Variants in PDE1A observed in about 807,000 individuals in gnomAD.
PDE1A encodes the protein phosphodiesterase 1A.
In PDE1A, 35 loss-of-function variants were observed where a neutral mutation model predicts 61.7. That is an observed-to-expected ratio of 0.57 (90% CI 0.43 to 0.75). The LOEUF is 0.75. Ranked by LOEUF, PDE1A falls within the 30% of genes least tolerant of loss-of-function variation. PDE1A has a pLI of 0.00. For missense variants in PDE1A, 597 were observed against 630.6 expected (o/e 0.95, Z 0.57); for synonymous variants, 232 against 213.2 (o/e 1.09, Z -0.77).
intron 1 of PDE1A, among the ~76,000 whole-genome samples, chr2:182,411,694 A>T (rs1184988856): frequency 2.0e-5 from 3 of 152,140 alleles, no homozygotes; most frequent in Non-Finnish European, 4.4e-5. Flanking sequence ...ATGCCTGGGG[A>T]CACTTTTGGT....
intron 2 of PDE1A, among the ~76,000 whole-genome samples, chr2:182,503,740 T>C (rs1327575379): frequency 6.6e-6 from 1 of 152,180 alleles, no homozygotes; most frequent in Non-Finnish European, 1.5e-5. Flanking sequence ...CAAGAGTTTG[T>C]TGCTGTACCG....
intron 1 of PDE1A, among the ~76,000 whole-genome samples, chr2:182,423,412 T>A (rs1291709108): frequency 6.6e-6 from 1 of 152,164 alleles, no homozygotes; most frequent in Non-Finnish European, 1.5e-5. Flanking sequence ...CTCCCAAGCC[T>A]CCTAATATCG....
chr2:182,461,224 A>G (rs4666833), intron 2 of PDE1A, among the ~76,000 whole-genome samples: 25,669 of 152,024 alleles, frequency 0.17, 2,608 homozygotes, highest in Middle Eastern at 0.32. Flanking sequence ...GAAAAACTAA[A>G]GTAAAGTTCA....
chr2:182,279,616 CT>C (rs796203738), intron 1 of PDE1A, among the ~76,000 whole-genome samples: 48 of 151,888 alleles, frequency 3.2e-4, no homozygotes, highest in African/African-American at 1.1e-3. Flanking sequence ...TTTCTTTGGT[CT>C]TTCTCATTCT....
At chr2:182,526,572 G>A (rs1690777282), upstream of PDE1A, among the ~76,000 whole-genome samples, 1 of 152,130 alleles carries the variant, frequency 6.6e-6, no homozygotes, top group South Asian at 2.1e-4. Flanking sequence ...CTCTAGGAGA[G>A]GAAAAACAAA....
chr2:182,605,945 A>C, the PDE1A span, among the ~76,000 whole-genome samples: 4 of 152,140 alleles, frequency 2.6e-5, no homozygotes, highest in Non-Finnish European at 4.4e-5. Context: ...TCCAGGTCTC[A>C]TATTTTTTTA....
At chr2:182,457,074 T>G in intron 2 of PDE1A, among the ~76,000 whole-genome samples, 1 of 152,044 alleles carries the variant, frequency 6.6e-6, no homozygotes, top group African/African-American at 2.4e-5. Context: ...CTGGACTGAT[T>G]AAGTTGGTAC....
chr2:182,570,802 T>A, the PDE1A span, among the ~76,000 whole-genome samples: 1 of 152,288 alleles, frequency 6.6e-6, no homozygotes, highest in African/African-American at 2.4e-5. Context: ...AGCTTAAGGA[T>A]TTGTGTATCC....
intron 13 of PDE1A, among the ~76,000 whole-genome samples, chr2:182,162,048 C>T (rs1691411574): frequency 6.6e-6 from 1 of 152,134 alleles, no homozygotes; most frequent in South Asian, 2.1e-4. Flanking sequence ...TCACATAAAA[C>T]CTACTCCCCC....
the PDE1A span, among the ~76,000 whole-genome samples, chr2:182,667,989 T>A: frequency 6.6e-6 from 1 of 152,184 alleles, no homozygotes; most frequent in Non-Finnish European, 1.5e-5. Context: ...GGAAGTGGGA[T>A]GGTGCTGATG....
At chr2:182,285,216 T>G (rs1381021667) in intron 1 of PDE1A, among the ~76,000 whole-genome samples, 1 of 152,120 alleles carries the variant, frequency 6.6e-6, no homozygotes, top group Non-Finnish European at 1.5e-5. Context: ...TTTTTATGTT[T>G]TTCAAAGCTC....
At chr2:182,424,713 T>C (rs1390474999) in intron 1 of PDE1A, among the ~76,000 whole-genome samples, 1 of 152,186 alleles carries the variant, frequency 6.6e-6, no homozygotes, top group Non-Finnish European at 1.5e-5. Context: ...TTAAGCCTAG[T>C]TATTTGAATC....
At chr2:182,431,102 A>C (rs1366041010), upstream of PDE1A, among the ~76,000 whole-genome samples, 1 of 124,310 alleles carries the variant, frequency 8.0e-6, no homozygotes, top group African/African-American at 2.9e-5. Context: ...AACTTAGAGT[A>C]TAATAAAAAA....
the PDE1A span, among the ~76,000 whole-genome samples, chr2:182,533,043 G>A: frequency 2.0e-5 from 3 of 151,372 alleles, no homozygotes; most frequent in Non-Finnish European, 2.9e-5. Context: ...GGCCAGGCGC[G>A]GCTCAGTCCT....
chr2:182,403,161 T>A (rs1702100239), intron 1 of PDE1A, among the ~76,000 whole-genome samples: 1 of 152,048 alleles, frequency 6.6e-6, no homozygotes, highest in Admixed American at 6.5e-5. Flanking sequence ...GACCCAGCAA[T>A]CCCATTACTG....
intron 2 of PDE1A, among the ~76,000 whole-genome samples, chr2:182,261,336 A>G (rs540047290): frequency 1.3e-5 from 2 of 152,314 alleles, no homozygotes; most frequent in African/African-American, 2.4e-5. Context: ...CTCATTAGTA[A>G]AATGCAGAAA....
chr2:182,518,952 C>T (rs935489209), intron 2 of PDE1A, among the ~76,000 whole-genome samples: 1 of 151,812 alleles, frequency 6.6e-6, no homozygotes, highest in African/African-American at 2.4e-5. Flanking sequence ...TTAATAAAAT[C>T]CACAGGTGTG....
At chr2:182,250,680 G>A (rs1186169249) in intron 2 of PDE1A, among the ~76,000 whole-genome samples, 1 of 152,038 alleles carries the variant, frequency 6.6e-6, no homozygotes, top group Non-Finnish European at 1.5e-5. Context: ...GAGTGACTAT[G>A]AAGACTGAAC....
chr2:182,194,278 T>A (rs1365368404), intron 10 of PDE1A, among the ~76,000 whole-genome samples: 1 of 152,152 alleles, frequency 6.6e-6, no homozygotes, highest in Non-Finnish European at 1.5e-5. Flanking sequence ...TGTAAAAAAA[T>A]TAACTGCATT....
Sources: gnomAD v4.1 joint callset for allele counts (sites outside exome capture counted in the v4.1 genomes callset) on GRCh38, gnomAD v4.1.1 for gene constraint, MANE v1.5 for transcripts, NCBI Gene and HGNC (gene_info 2026-07-23, HGNC 2026-07-21) for gene names.